The following SLC35F4 variants were observed in gnomAD, a reference collection of about 807,000 sequenced individuals.
SLC35F4 encodes the protein chromosome 14 open reading frame 36.
In SLC35F4, 24 loss-of-function variants were observed where a neutral mutation model predicts 44.2. That is an observed-to-expected ratio of 0.54 (90% CI 0.39 to 0.76). The LOEUF is 0.76. Among genes scored for constraint, SLC35F4 ranks in the 30% least tolerant of loss-of-function variants. The probability of loss-of-function intolerance (pLI) is 0.00; values close to 1 mark genes in which losing one functional copy is unlikely to be tolerated. For synonymous variants in SLC35F4, 238 were observed against 223.6 expected, an observed-to-expected ratio of 1.06 and a Z score of -0.57; for missense variants, 562 against 586.1, an observed-to-expected ratio of 0.96 and a Z score of 0.42.
intron 1 of SLC35F4, among the ~76,000 whole-genome samples, chr14:57,677,446 G>A (rs985569957): frequency 5.9e-5 from 9 of 151,926 alleles, no homozygotes; most frequent in Admixed American, 1.3e-4. Flanking sequence ...TAAACAGATG[G>A]GTAGCTATGC....
intron 1 of SLC35F4, among the ~76,000 whole-genome samples, chr14:57,698,522 G>A (rs546554507): frequency 6.6e-6 from 1 of 152,160 alleles, no homozygotes; most frequent in East Asian, 1.9e-4. Context: ...AGTCTTCCAA[G>A]ATACATACTT....
chr14:57,756,443 T>C lies in SLC35F4; in HGVS notation c.103+109280A>G, dbSNP rs1594972854. 2.0e-5 allele frequency among the ~76,000 whole-genome samples: 3 copies of C among 152,178 alleles called. 1 individual carries two copies. The South Asian group carries it at 6.3e-4, about 32-fold the overall frequency. On this transcript the variant is annotated intron_variant, in intron 1 of 7. Transcript: ENST00000556826. Reference sequence around the variant, plus strand: ...TTAATTCCAATGGAAGCAGAAAACATACTCTGTATGACTTAAATCTTTTAA... The same window carrying C: ...TTAATTCCAATGGAAGCAGAAAACACACTCTGTATGACTTAAATCTTTTAA...
intron 1 of SLC35F4, among the ~76,000 whole-genome samples, chr14:57,925,595 A>T (rs1889554723): frequency 6.6e-6 from 1 of 151,118 alleles, no homozygotes; most frequent in African/African-American, 2.4e-5. Flanking sequence ...AGTAAATAGA[A>T]TAGAGAAACA....
chr14:57,977,130 C>T (rs1462361085), intron 1 of SLC35F4, among the ~76,000 whole-genome samples: 2 of 152,124 alleles, frequency 1.3e-5, no homozygotes, highest in Non-Finnish European at 2.9e-5. Flanking sequence ...GGAAAAAATA[C>T]TACAGTACTT....
At chr14:57,860,771 C>T (rs1387960365) in intron 1 of SLC35F4, among the ~76,000 whole-genome samples, 2 of 152,180 alleles carry the variant, frequency 1.3e-5, no homozygotes, top group Non-Finnish European at 2.9e-5. Flanking sequence ...CCTACCTTTC[C>T]AGCTAACTTC....
chr14:57,821,374 C>A (rs145666682), intron 1 of SLC35F4, among the ~76,000 whole-genome samples: 2 of 152,208 alleles, frequency 1.3e-5, no homozygotes, highest in South Asian at 2.1e-4. Context: ...TGTAGAAATT[C>A]ATTTTGGTGT....
chr14:57,588,366 T>TTTTTC lies in SLC35F4; in HGVS notation c.587+849_587+850insGAAAA, dbSNP rs1555355807. Among the ~76,000 whole-genome samples, 21 of 152,130 alleles carry TTTTTC rather than the reference T, an allele frequency of 1.4e-4. 1 individual carries two copies. In the East Asian group the frequency reaches 4.1e-3, roughly 29 times the overall value. ...ATCCACTGGTGTCCCTATTTTTTTT[T>TTTTTC]CTCCTGGGTGATCATAGCAATTTTC... On this transcript the variant is annotated intron_variant, in intron 3 of 7. Transcript: ENST00000556826.
chr14:57,581,160 C>T lies in SLC35F4; in HGVS notation c.807+54G>A, dbSNP rs2069224583. 9.6e-6 allele frequency: 14 copies of T among 1,454,998 alleles called. No homozygotes were observed. In the South Asian group the frequency reaches 2.1e-4, roughly 21 times the overall value. The allele number at this position is 1,454,998 out of a possible 1,614,324, so 90.1% of individuals were successfully genotyped here. A position where few individuals can be genotyped will look rare whatever the true frequency, so the allele number is the denominator to read the frequency against. The stretch of plus-strand genomic sequence containing the variant: ...ACAAAGCAGACAGGCTCTCCTGAAG[C>T]CAAGGAGTTATGAAAAAGGCAGGCA... On this transcript the variant is annotated intron_variant, in intron 4 of 7. Transcript: ENST00000556826.
chr14:57,882,832 T>C (rs369263392), intron 1 of SLC35F4, among the ~76,000 whole-genome samples: 32 of 152,312 alleles, frequency 2.1e-4, no homozygotes, highest in African/African-American at 7.7e-4. Context: ...ATCCATGACC[T>C]TTCCCATGTA....
rs1335516 is a variant in SLC35F4, at chr14:57,922,724, C to T, written n.282+59189G>A. 4.4e-3 allele frequency among the ~76,000 whole-genome samples: 673 copies of T among 152,254 alleles called. 6 individuals carry two copies. The highest frequency in any genetic ancestry group is 0.016 in the African/African-American group (646 of 41,546). ...CTGGAATGGACAATTTAGGCCTGGG[C>T]AACCGAGATCTTGACACTGGCTAGT... On this transcript the variant is annotated intron_variant and non_coding_transcript_variant, in intron 1 of 1. Transcript: ENST00000556568.
chr14:57,702,767 G>A (rs896275377), intron 1 of SLC35F4, among the ~76,000 whole-genome samples: 1 of 152,082 alleles, frequency 6.6e-6, no homozygotes, highest in Non-Finnish European at 1.5e-5. Flanking sequence ...TTTTCTGCAC[G>A]ATGTTCCTTC....
At chr14:57,611,585 T>TAA (rs10647941) in intron 1 of SLC35F4, among the ~76,000 whole-genome samples, 44,203 of 126,136 alleles carry the variant, frequency 0.35, 7,067 homozygotes, top group Non-Finnish European at 0.42. Flanking sequence ...AGAGAAGAGT[T>TAA]AAAAAAAAAA....
intron 6 of SLC35F4, 130 bp from the exon 7 acceptor site, chr14:57,566,694 T>C: frequency 1.2e-6 from 1 of 849,586 alleles, no homozygotes; most frequent in Non-Finnish European, 1.8e-6. Context: ...GATCCTCTAA[T>C]TTTGGAGATG....
chr14:57,567,587 T>C (rs890224219), intron 6 of SLC35F4, among the ~76,000 whole-genome samples: 2 of 152,256 alleles, frequency 1.3e-5, no homozygotes, highest in African/African-American at 4.8e-5. Context: ...ATATTGTTCA[T>C]ACAATAGTGG....
At chr14:57,836,039 T>C (rs1884884994) in intron 1 of SLC35F4, among the ~76,000 whole-genome samples, 1 of 152,188 alleles carries the variant, frequency 6.6e-6, no homozygotes, top group Admixed American at 6.5e-5. Flanking sequence ...ACCGGTGACC[T>C]GGTATTATTG....
At chr14:57,751,381 G>T (rs1192433203) in intron 1 of SLC35F4, among the ~76,000 whole-genome samples, 2 of 152,158 alleles carry the variant, frequency 1.3e-5, no homozygotes, top group African/African-American at 4.8e-5. Flanking sequence ...TAAGGCAAGT[G>T]AGTTCTCCTG....
intron 1 of SLC35F4, among the ~76,000 whole-genome samples, chr14:57,875,194 A>T (rs11844458): frequency 0.1 from 15,966 of 152,058 alleles, 2,559 homozygotes; most frequent in African/African-American, 0.35. Flanking sequence ...TATTCAGGAG[A>T]CTTGTTTACT....
chr14:57,760,596 G>C (rs2077101688), intron 1 of SLC35F4, among the ~76,000 whole-genome samples: 1 of 151,972 alleles, frequency 6.6e-6, no homozygotes. Flanking sequence ...TTTTTTCTGA[G>C]ACATAGTTCA....
intron 1 of SLC35F4, among the ~76,000 whole-genome samples, chr14:57,942,123 G>C (rs957865526): frequency 2.0e-5 from 3 of 152,180 alleles, no homozygotes; most frequent in African/African-American, 7.2e-5. Context: ...GAAATATTCT[G>C]CCTCAAGAGT....
Sources: allele counts gnomAD v4.1 joint callset (sites outside exome capture counted in the v4.1 genomes callset), GRCh38; gene constraint gnomAD v4.1.1; transcripts MANE v1.5; gene names NCBI Gene and HGNC (gene_info 2026-07-23, HGNC 2026-07-21).